Variants in IBTK observed in about 807,000 individuals in gnomAD.
IBTK encodes inhibitor of Bruton tyrosine kinase.
IBTK carries 83 observed loss-of-function variants against 154.9 expected under a neutral mutation model. The ratio of observed to expected loss-of-function variants is 0.54; its 90% CI spans 0.45 to 0.64. The LOEUF is 0.64. Ranked by LOEUF, IBTK falls within the 30% of genes least tolerant of loss-of-function variation. The pLI is 0.00. For missense variants in IBTK, 1,332 were observed against 1,584.6 expected (o/e 0.84, Z 2.71); for synonymous variants, 515 against 536.1 (o/e 0.96, Z 0.54).
In IBTK at chr6:82,204,965, A is replaced by C; in HGVS notation, c.2510-7T>G. ...AAATCTACATTTTGAGATTCTAAAAAAAGAAAGAAAACAAGCATCACTTTT... is the reference window on the plus strand; with the variant it reads ...AAATCTACATTTTGAGATTCTAAAACAAGAAAGAAAACAAGCATCACTTTT... On this transcript the variant is annotated splice_region_variant and splice_polypyrimidine_tract_variant and intron_variant, in intron 16 of 28. Transcript: ENST00000306270. 1.3e-6 allele frequency: 2 copies of C among 1,555,918 alleles called. No homozygotes were observed. The highest frequency in any genetic ancestry group is 1.8e-5 in the Admixed American group (1 of 55,418).
intron 1 of IBTK, among the ~76,000 whole-genome samples, chr6:82,243,469 A>T (rs939150306): frequency 1.3e-5 from 2 of 152,182 alleles, no homozygotes; most frequent in Non-Finnish European, 2.9e-5. Flanking sequence ...GTATGATGAA[A>T]TCTCATAGTG....
intron 2 of IBTK, among the ~76,000 whole-genome samples, chr6:82,236,657 T>C (rs1405843934): frequency 2.0e-5 from 3 of 152,236 alleles, no homozygotes; most frequent in African/African-American, 4.8e-5. Flanking sequence ...CAATTTACTG[T>C]GCAATTTACA....
At position 82,240,269 on chromosome 6, in the gene IBTK, T is replaced by C. The variant is rs377648329; in HGVS notation, c.218A>G (p.Gln73Arg). Residue 73 changes from glutamine to arginine, a missense_variant, in exon 2 of 29, where the codon CAG (glutamine) becomes CGG (arginine). Physicochemically the swap from Gln to Arg is conservative, Grantham distance 43. Coordinates refer to ENST00000306270, the MANE Select transcript of IBTK (RefSeq NM_015525.4). ...TTTCACCAACAGATCCACTCCTTTC[T>C]GAATAAGCCAATCTAACACTCCTTT... Reference protein sequence around the residue: ...GKKGVLDWLIQKGVDLLVKDK... With the variant: ...GKKGVLDWLIRKGVDLLVKDK... 13 of 1,614,248 alleles carry C rather than the reference T, an allele frequency of 8.1e-6. No individual in the cohort carries two copies. Among genetic ancestry groups the C allele is most frequent in the Non-Finnish European group, 1.0e-5 (12 of 1,180,038 alleles).
chr6:82,175,899 C>T (rs916583524), intron 26 of IBTK, among the ~76,000 whole-genome samples: 1 of 151,820 alleles, frequency 6.6e-6, no homozygotes, highest in African/African-American at 2.4e-5. Context: ...CTTGGTGGCG[C>T]ATACCTGTAA....
rs745848515 is a variant in IBTK at position 82,234,201 on chromosome 6, C to T, written c.376G>A (p.Val126Ile). ...DKEGLSALDL[V>I]MKDRPTHVVF... ...ACATGAGTTGGTCTATCCTTCATTACAAGATCCAAAGCTGACAAGCCTTCT... is the reference window on the plus strand; with the variant it reads ...ACATGAGTTGGTCTATCCTTCATTATAAGATCCAAAGCTGACAAGCCTTCT... The change falls in exon 3 of 29, where the codon GTA becomes ATA. Residue 126 changes from valine (V) to isoleucine (I), a missense_variant. Physicochemically the swap from Val to Ile is conservative, Grantham distance 29 (BLOSUM62 3). Coordinates refer to ENST00000306270, the MANE Select transcript of IBTK (RefSeq NM_015525.4). 6.2e-7 allele frequency: 1 copy of T among 1,606,370 alleles called. No homozygotes were observed. The highest frequency in any genetic ancestry group is 8.5e-7 in the Non-Finnish European group (1 of 1,174,706).
chr6:82,191,699 A>G, intron 24 of IBTK, 88 bp downstream of exon 24: 1 of 860,742 alleles, frequency 1.2e-6, no homozygotes, highest in East Asian at 2.5e-5. Flanking sequence ...CAAATGCAGA[A>G]AAATAATAAG....
chr6:82,217,734 A>G (rs1769923672), intron 10 of IBTK, among the ~76,000 whole-genome samples: 1 of 152,224 alleles, frequency 6.6e-6, no homozygotes, highest in Non-Finnish European at 1.5e-5. Flanking sequence ...ATGAGTGACT[A>G]CAATGCGCCA....
At chr6:82,211,602 G>A (rs760755051) in intron 13 of IBTK, 30 bp from the exon 14 acceptor site, 14 of 1,543,978 alleles carry the variant, frequency 9.1e-6, no homozygotes, top group Non-Finnish European at 1.3e-5. Context: ...TGAAGCAAGA[G>A]CAATTTCTTT....
At chr6:82,225,058 G>C (rs975287824) in intron 6 of IBTK, among the ~76,000 whole-genome samples, 2 of 152,044 alleles carry the variant, frequency 1.3e-5, no homozygotes, top group African/African-American at 4.8e-5. Flanking sequence ...CCAGCACTTT[G>C]GGAGGCCGAG....
chr6:82,183,190 G>A (rs1368410430), intron 25 of IBTK, among the ~76,000 whole-genome samples: 2 of 152,098 alleles, frequency 1.3e-5, no homozygotes, highest in South Asian at 2.1e-4. Context: ...CAGGTGGATC[G>A]CTTGAGCCCA....
rs561940085 is a variant in IBTK, at chr6:82,220,937, T to TAAACAC, written c.1125-225_1125-224insGTGTTT. The stretch of plus-strand genomic sequence containing the variant: ...TCTTTTTCTCTTAAATGACTTTACC[T>TAAACAC]ACACACACACACACACACACACACA... On this transcript the variant is annotated intron_variant, in intron 8 of 28. Transcript: ENST00000306270. Among the ~76,000 whole-genome samples the TAAACAC allele has an allele frequency of 6.1e-5, 8 of 130,160 alleles. No homozygotes were observed. In the East Asian group the frequency reaches 2.0e-3, roughly 33 times the overall value. The allele number at this position is 130,160 out of a possible 152,430, so 85.4% of individuals were successfully genotyped here.
At chr6:82,176,991 A>G (rs1387604409) in intron 26 of IBTK, among the ~76,000 whole-genome samples, 3 of 152,120 alleles carry the variant, frequency 2.0e-5, no homozygotes, top group Non-Finnish European at 4.4e-5. Context: ...TGTTTTTCAC[A>G]TGCTTATAAA....
chr6:82,179,370 C>T (rs1768230349), intron 26 of IBTK, among the ~76,000 whole-genome samples: 1 of 152,060 alleles, frequency 6.6e-6, no homozygotes, highest in Admixed American at 6.6e-5. Context: ...TAGTTTTGGA[C>T]ATGAAGTTTG....
intron 6 of IBTK, among the ~76,000 whole-genome samples, 197 bp downstream of exon 6, chr6:82,225,280 A>T (rs1020050962): frequency 3.9e-5 from 6 of 152,122 alleles, no homozygotes; most frequent in Non-Finnish European, 8.8e-5. Flanking sequence ...ACTGCACTCC[A>T]GCCTGGGCAA....
intron 10 of IBTK, among the ~76,000 whole-genome samples, chr6:82,217,452 C>A (rs1769913521): frequency 6.6e-6 from 1 of 152,056 alleles, no homozygotes; most frequent in African/African-American, 2.4e-5. Context: ...CCTATGAGTG[C>A]CTCAGTATAG....
intron 14 of IBTK, 28 bp downstream of exon 14, chr6:82,211,462 A>C: frequency 1.2e-6 from 2 of 1,606,186 alleles, no homozygotes; most frequent in Non-Finnish European, 1.7e-6. Flanking sequence ...ACAGCAAATA[A>C]ATCAGCAGCT....
intron 1 of IBTK, among the ~76,000 whole-genome samples, 185 bp downstream of exon 1, chr6:82,247,377 G>A (rs547726403): frequency 3.3e-4 from 50 of 152,336 alleles, no homozygotes; most frequent in South Asian, 6.2e-4. Context: ...CTGGCCACTC[G>A]GCCCTCTCCG....
In IBTK at chr6:82,214,558, G is replaced by A. The variant is rs1413145377; in HGVS notation, c.1873C>T (p.Pro625Ser). 6.2e-7 allele frequency: 1 copy of A among 1,613,924 alleles called. No homozygotes were observed. Among genetic ancestry groups the A allele is most frequent in the African/African-American group, 1.3e-5 (1 of 74,930 alleles). The change falls in exon 12 of 29, where the codon CCT becomes TCT. Residue 625 changes from proline (P) to serine (S), a missense_variant. By Grantham distance (74) the Pro-to-Ser change is moderately conservative. Around this residue, in one of 3 missense-constraint regions of IBTK, gnomAD observed 1,134 missense variants for 1,274.7 expected, o/e 0.89. Coordinates refer to ENST00000306270, the MANE Select transcript of IBTK (RefSeq NM_015525.4). ...TGTAAAAGGTATTCAAACATGTCAG[G>A]ATGAACCTTCTCTACCACAAAGAGA... Reference protein sequence around the residue: ...CHLFVVEKVHPDMFEYLLQFI... With the variant: ...CHLFVVEKVHSDMFEYLLQFI...
chr6:82,218,293 AAG>A (rs1486388818), intron 9 of IBTK, among the ~76,000 whole-genome samples, 156 bp from the exon 10 acceptor site: 5 of 152,358 alleles, frequency 3.3e-5, no homozygotes, highest in Admixed American at 1.3e-4. Flanking sequence ...TAGCTACTAT[AAG>A]AAAAATCAAG....
Sources: gnomAD v4.1 joint callset for allele counts (sites outside exome capture counted in the v4.1 genomes callset) on GRCh38, gnomAD v4.1.1 for gene constraint, gnomAD v4.1.1 regional missense constraint, MANE v1.5 for transcripts, NCBI Gene and HGNC (gene_info 2026-07-23, HGNC 2026-07-21) for gene names.